Variants in FBXL7 observed in about 807,000 individuals in gnomAD.
The protein encoded by FBXL7 is F-box/LRR-repeat protein 7.
In FBXL7, 12 loss-of-function variants were observed where a neutral mutation model predicts 38.3. The ratio of observed to expected loss-of-function variants is 0.31; its 90% CI spans 0.20 to 0.51. The LOEUF (loss-of-function observed/expected upper bound fraction) is 0.51. Among genes scored for constraint, FBXL7 ranks in the 20% least tolerant of loss-of-function variants. The pLI, the probability that FBXL7 is intolerant of heterozygous loss-of-function variation, is 0.98. For synonymous variants in FBXL7, 297 were observed against 300.9 expected, an observed-to-expected ratio of 0.99 and a Z score of 0.13; for missense variants, 567 against 676.4, an observed-to-expected ratio of 0.84 and a Z score of 1.79.
intron 2 of FBXL7, among the ~76,000 whole-genome samples, chr5:15,864,363 C>T (rs1739613511): frequency 1.3e-5 from 2 of 150,300 alleles, no homozygotes; most frequent in African/African-American, 4.9e-5. Flanking sequence ...CTATCAGTGC[C>T]TAATCTTGTA....
intron 2 of FBXL7, among the ~76,000 whole-genome samples, chr5:15,691,498 C>G (rs1743183546): frequency 6.6e-6 from 1 of 152,184 alleles, no homozygotes; most frequent in African/African-American, 2.4e-5. Flanking sequence ...GCAACCAGTG[C>G]AGTTGTTTTC....
chr5:15,535,824 G>T (rs548454969), intron 1 of FBXL7, among the ~76,000 whole-genome samples: 2 of 152,216 alleles, frequency 1.3e-5, no homozygotes, highest in Non-Finnish European at 2.9e-5. Context: ...CAAGCCAGCC[G>T]CAGAAATTTG....
intron 1 of FBXL7, among the ~76,000 whole-genome samples, chr5:15,577,087 C>G (rs1015241225): frequency 6.6e-6 from 1 of 152,162 alleles, no homozygotes; most frequent in East Asian, 1.9e-4. Flanking sequence ...GTGAAATCTT[C>G]TGAGAAGCAG....
chr5:15,824,618 A>AT (rs1255674797), intron 2 of FBXL7, among the ~76,000 whole-genome samples: 7 of 152,204 alleles, frequency 4.6e-5, no homozygotes, highest in African/African-American at 1.4e-4. Context: ...AAAGGAAAAC[A>AT]TACCTTCTGT....
rs559531990 is a variant in FBXL7 at position 15,535,823 on chromosome 5, C to T, written c.37+35110C>T. On this transcript the variant is annotated intron_variant, in intron 1 of 3. Coordinates refer to ENST00000504595, the MANE Select transcript of FBXL7 (RefSeq NM_012304.5). ...TTTCTGGGGAGAAATTCAAGCCAGCCGCAGAAATTTGCATAAGTAATAAGG... is the reference window on the plus strand; with the variant it reads ...TTTCTGGGGAGAAATTCAAGCCAGCTGCAGAAATTTGCATAAGTAATAAGG... Among the ~76,000 whole-genome samples, 27 of 152,268 alleles carry T rather than the reference C, an allele frequency of 1.8e-4. No homozygotes were observed. In the South Asian group the frequency reaches 3.3e-3, roughly 19 times the overall value.
chr5:15,532,494 AT>A (rs1737459156), intron 1 of FBXL7, among the ~76,000 whole-genome samples: 1 of 152,206 alleles, frequency 6.6e-6, no homozygotes, highest in Non-Finnish European at 1.5e-5. Context: ...TATTGTCTGT[AT>A]TCATCAGATT....
At chr5:15,740,608 G>T (rs985626820) in intron 2 of FBXL7, among the ~76,000 whole-genome samples, 1 of 152,098 alleles carries the variant, frequency 6.6e-6, no homozygotes, top group South Asian at 2.1e-4. Context: ...CACAAATGAG[G>T]GTGTTTATAT....
intron 2 of FBXL7, among the ~76,000 whole-genome samples, chr5:15,819,447 T>C (rs894265162): frequency 8.5e-5 from 13 of 152,270 alleles, no homozygotes; most frequent in Admixed American, 6.5e-4. Context: ...AAAACACCTA[T>C]TATGTTATCA....
chr5:15,702,672 T>C (rs1209810440), intron 2 of FBXL7, among the ~76,000 whole-genome samples: 1 of 152,246 alleles, frequency 6.6e-6, no homozygotes, highest in Non-Finnish European at 1.5e-5. Context: ...CATTGGAAAT[T>C]GTTGACATTT....
chr5:15,770,252 G>A (rs368814015), intron 2 of FBXL7, among the ~76,000 whole-genome samples: 1 of 152,180 alleles, frequency 6.6e-6, no homozygotes, highest in Non-Finnish European at 1.5e-5. Flanking sequence ...GGGCCCCAGT[G>A]TGCCCAGCCT....
intron 2 of FBXL7, among the ~76,000 whole-genome samples, chr5:15,877,737 T>C (rs2126314959): frequency 6.6e-6 from 1 of 152,344 alleles, no homozygotes; most frequent in Middle Eastern, 3.4e-3. Context: ...ACTGAGTTTC[T>C]CTTTTTAAAA....
At chr5:15,645,922 C>G (rs2126563061) in intron 2 of FBXL7, among the ~76,000 whole-genome samples, 1 of 152,336 alleles carries the variant, frequency 6.6e-6, no homozygotes, top group South Asian at 2.1e-4. Context: ...AGAGCTTGCT[C>G]TCTGTTCTAA....
intron 2 of FBXL7, among the ~76,000 whole-genome samples, chr5:15,900,983 A>G (rs949714015): frequency 3.3e-5 from 5 of 152,262 alleles, no homozygotes; most frequent in Non-Finnish European, 7.3e-5. Context: ...AGTATCAAGT[A>G]GGAACCTGCT....
intron 2 of FBXL7, among the ~76,000 whole-genome samples, chr5:15,726,635 G>A (rs1744365505): frequency 6.6e-6 from 1 of 151,552 alleles, no homozygotes; most frequent in Admixed American, 6.6e-5. Context: ...GGGTTGCAGT[G>A]AGCCAAGATT....
intron 2 of FBXL7, among the ~76,000 whole-genome samples, chr5:15,685,495 T>C (rs1434027125): frequency 6.6e-6 from 1 of 152,188 alleles, no homozygotes; most frequent in African/African-American, 2.4e-5. Flanking sequence ...GTGAAATGAA[T>C]GGAACCTAGT....
chr5:15,639,763 CA>C (rs1302338640), intron 2 of FBXL7, among the ~76,000 whole-genome samples: 5 of 151,492 alleles, frequency 3.3e-5, no homozygotes, highest in African/African-American at 1.2e-4. Flanking sequence ...GGAAAATGCT[CA>C]ATGAACATTA....
chr5:15,645,944 G>A (rs765579147), intron 2 of FBXL7, among the ~76,000 whole-genome samples: 34 of 152,246 alleles, frequency 2.2e-4, no homozygotes, highest in African/African-American at 7.7e-4. Flanking sequence ...AATCATGTGC[G>A]GCCAGTTGCT....
chr5:15,673,708 G>T (rs1742560762), intron 2 of FBXL7, among the ~76,000 whole-genome samples: 1 of 151,950 alleles, frequency 6.6e-6, no homozygotes, highest in South Asian at 2.1e-4. Context: ...CCTCATTTTT[G>T]ACCCCTATGA....
intron 2 of FBXL7, among the ~76,000 whole-genome samples, chr5:15,679,158 G>A (rs1327991741): frequency 3.3e-5 from 5 of 152,156 alleles, no homozygotes; most frequent in African/African-American, 1.2e-4. Context: ...ACCTCTGCCA[G>A]GGCATTATAG....
Sources: allele counts gnomAD v4.1 joint callset (sites outside exome capture counted in the v4.1 genomes callset), GRCh38; gene constraint gnomAD v4.1.1; transcripts MANE v1.5; gene names NCBI Gene and HGNC (gene_info 2026-07-23, HGNC 2026-07-21).